The following USH2A variants were observed in gnomAD, a reference collection of about 807,000 sequenced individuals.
USH2A encodes the protein usherin.
USH2A carries 443 observed loss-of-function variants against 538.9 expected under a neutral mutation model. That is an observed-to-expected ratio of 0.82 (90% CI 0.76 to 0.89). The LOEUF (loss-of-function observed/expected upper bound fraction) is 0.89. Among genes scored for constraint, USH2A ranks in the 40% least tolerant of loss-of-function variants. The pLI is 0.00. For missense variants in USH2A, 6,633 were observed against 6,324.8 expected, an observed-to-expected ratio of 1.05 and a Z score of -1.65; for synonymous variants, 2,413 against 2,273.5, an observed-to-expected ratio of 1.06 and a Z score of -1.75.
Position 215,738,916 on chromosome 1 carries a change from A to G in USH2A, c.11711+2459T>C, listed in dbSNP as rs540606672. 2.0e-5 allele frequency among the ~76,000 whole-genome samples: 3 copies of G among 152,326 alleles called. No homozygotes were observed. In the South Asian group the frequency reaches 6.2e-4, roughly 32 times the overall value. ...GCTCTATGTAGTCTCAGAATGAAAA[A>G]GAACTATGTGTCTCCATTCTATTTC... On this transcript the variant is annotated intron_variant, in intron 60 of 71. Coordinates refer to ENST00000307340, the MANE Select transcript of USH2A (RefSeq NM_206933.4).
chr1:216,026,198 C>T (rs749178090), intron 32 of USH2A, among the ~76,000 whole-genome samples: 2 of 152,082 alleles, frequency 1.3e-5, no homozygotes, highest in Admixed American at 6.6e-5. Context: ...GTGTGCCATT[C>T]GCAGTTTTCC....
intron 37 of USH2A, among the ~76,000 whole-genome samples, chr1:215,939,633 G>A (rs1022049929): frequency 2.6e-5 from 4 of 152,114 alleles, no homozygotes; most frequent in Admixed American, 2.6e-4. Context: ...ATGACTCAGG[G>A]ATGCGTAAAT....
rs934249892 is a variant in USH2A at position 215,745,591 on chromosome 1, T to A, written c.11390-2256A>T. On this transcript the variant is annotated intron_variant, in intron 58 of 71. Transcript: ENST00000307340. ...AATAAATGTTAGCTGATTGAATGAA[T>A]GAACGAACCCTCAAGACAATACTGC... Among the ~76,000 whole-genome samples, 4 of 152,202 alleles carry A rather than the reference T, an allele frequency of 2.6e-5. No individual in the cohort carries two copies. In the East Asian group the frequency reaches 7.7e-4, roughly 29 times the overall value.
intron 44 of USH2A, among the ~76,000 whole-genome samples, chr1:215,851,083 C>G (rs547669903): frequency 6.6e-6 from 1 of 152,154 alleles, no homozygotes; most frequent in East Asian, 1.9e-4. Context: ...ATGCCTATAT[C>G]AAAAACTCAG....
intron 17 of USH2A, 103 bp downstream of exon 17, chr1:216,199,524 G>C (rs2034932475): frequency 6.6e-7 from 1 of 1,525,690 alleles, no homozygotes; most frequent in Non-Finnish European, 9.1e-7. Context: ...ATATTGTGCA[G>C]TTATAAAAAG....
chr1:215,906,670 A>C (rs1423183640), intron 38 of USH2A, among the ~76,000 whole-genome samples: 1 of 152,042 alleles, frequency 6.6e-6, no homozygotes, highest in Non-Finnish European at 1.5e-5. Flanking sequence ...TTATTTCTTT[A>C]TCATAGCAGG....
At chr1:216,195,839 C>T (rs909502425) in intron 19 of USH2A, 1 of 167,156 alleles carries the variant, frequency 6.0e-6, no homozygotes, top group African/African-American at 2.4e-5. Flanking sequence ...TATTGGCCAC[C>T]TGGATGCTGG....
In USH2A at chr1:216,141,168, C is replaced by T. The variant is rs573022963; in HGVS notation, c.4627+34084G>A. On this transcript the variant is annotated intron_variant, in intron 21 of 71. Transcript: ENST00000307340. ...AAAGTAAGACATGGAGTATATTATG[C>T]AACTTCCTGCAACTCTAATTAAGAT... 2.6e-5 allele frequency among the ~76,000 whole-genome samples: 4 copies of T among 152,292 alleles called. No individual in the cohort carries two copies. In the East Asian group the frequency reaches 7.7e-4, roughly 29 times the overall value.
At chr1:215,912,997 G>A (rs76272700) in intron 38 of USH2A, among the ~76,000 whole-genome samples, 4,255 of 152,102 alleles carry the variant, frequency 0.028, 222 homozygotes, top group African/African-American at 0.099. Context: ...TGCCAGGCTG[G>A]GATTCAAACA....
chr1:216,107,686 C>CTTTTTTTTTTTTTTTTTTT (rs34087316), intron 21 of USH2A, among the ~76,000 whole-genome samples: 1 of 142,658 alleles, frequency 7.0e-6, no homozygotes. Context: ...CTTTCTTCTT[C>CTTTTTTTTTTTTTTTTTTT]TTTTTTTTTT....
chr1:215,844,026 A>G (rs1211343475), intron 46 of USH2A, among the ~76,000 whole-genome samples: 3 of 152,330 alleles, frequency 2.0e-5, no homozygotes, highest in South Asian at 2.1e-4. Context: ...TATTTAGAAT[A>G]CATGATTAGC....
chr1:216,214,780 T>C (rs1312065780), intron 15 of USH2A, among the ~76,000 whole-genome samples: 1 of 151,900 alleles, frequency 6.6e-6, no homozygotes, highest in Non-Finnish European at 1.5e-5. Context: ...AATGTGGATA[T>C]AAAGATGAAT....
chr1:216,292,117 ATTG>A, intron 10 of USH2A, 55 bp downstream of exon 10: 4 of 1,534,612 alleles, frequency 2.6e-6, no homozygotes, highest in Non-Finnish European at 3.6e-6. Context: ...AATAATATGC[ATTG>A]TAGATAGAAG....
At chr1:216,070,440 T>G in intron 29 of USH2A, 148 bp from the exon 30 acceptor site, 1 of 763,336 alleles carries the variant, frequency 1.3e-6, no homozygotes, top group Admixed American at 2.1e-5. Flanking sequence ...CAGCATTGAT[T>G]TAATATGACT....
chr1:216,046,006 GGTGTGTGTGT>G (rs59426829), intron 32 of USH2A, among the ~76,000 whole-genome samples: 5,645 of 137,722 alleles, frequency 0.041, 191 homozygotes, highest in African/African-American at 0.097. Context: ...CTATTTATCT[GGTGTGTGTGT>G]GTGTGTGTGT....
At chr1:215,831,815 A>G (rs539185712) in intron 47 of USH2A, among the ~76,000 whole-genome samples, 1 of 152,172 alleles carries the variant, frequency 6.6e-6, no homozygotes, top group Admixed American at 6.5e-5. Context: ...GAGAGCAGAA[A>G]TCACTGAAAT....
intron 21 of USH2A, among the ~76,000 whole-genome samples, chr1:216,111,908 G>C (rs2032882420): frequency 1.3e-5 from 2 of 151,592 alleles, no homozygotes; most frequent in South Asian, 4.2e-4. Flanking sequence ...GGATTTCCAT[G>C]CCTAGTTAGT....
chr1:216,052,368 A>G (rs1025951374), intron 30 of USH2A, among the ~76,000 whole-genome samples: 3 of 151,826 alleles, frequency 2.0e-5, no homozygotes, highest in Non-Finnish European at 4.4e-5. Context: ...CAAAGGAAAA[A>G]AAAAAAAAAA....
At chr1:215,932,902 T>C (rs1360437865) in intron 38 of USH2A, among the ~76,000 whole-genome samples, 2 of 152,074 alleles carry the variant, frequency 1.3e-5, no homozygotes, top group East Asian at 3.9e-4. Flanking sequence ...TACTGACAGG[T>C]ATATTCACAT....
Sources: gnomAD v4.1 joint callset for allele counts (sites outside exome capture counted in the v4.1 genomes callset) on GRCh38, gnomAD v4.1.1 for gene constraint, MANE v1.5 for transcripts, NCBI Gene and HGNC (gene_info 2026-07-23, HGNC 2026-07-21) for gene names.